PDZRN3: variants seen among roughly 807,000 people sequenced by gnomAD.
PDZRN3 encodes the protein E3 ubiquitin-protein ligase PDZRN3.
A neutral mutation model predicts 85.7 loss-of-function variants in PDZRN3; 38 were observed. The ratio of observed to expected loss-of-function variants is 0.44; its 90% CI spans 0.34 to 0.58. The LOEUF (loss-of-function observed/expected upper bound fraction) is 0.58. PDZRN3 is among the 20% of genes least tolerant of loss of function. The pLI, the probability that PDZRN3 is intolerant of heterozygous loss-of-function variation, is 0.01. For synonymous variants in PDZRN3, 759 were observed against 638.0 expected, an observed-to-expected ratio of 1.19 and a Z score of -2.86; for missense variants, 1,629 against 1,506.4, an observed-to-expected ratio of 1.08 and a Z score of -1.35.
At chr3:73,428,700 C>G (rs1702368676) in intron 3 of PDZRN3, among the ~76,000 whole-genome samples, 1 of 152,192 alleles carries the variant, frequency 6.6e-6, no homozygotes. Flanking sequence ...GAGAGGTAAT[C>G]TCTGGTCCCA....
intron 3 of PDZRN3, among the ~76,000 whole-genome samples, chr3:73,593,115 G>T (rs997309326): frequency 6.0e-5 from 9 of 151,200 alleles, no homozygotes; most frequent in Non-Finnish European, 8.8e-5. Flanking sequence ...AACAGATAAG[G>T]TTACTGCTCT....
intron 3 of PDZRN3, among the ~76,000 whole-genome samples, chr3:73,470,911 T>C (rs1242048512): frequency 1.3e-5 from 2 of 152,170 alleles, no homozygotes; most frequent in Non-Finnish European, 2.9e-5. Flanking sequence ...ACATTCCAAA[T>C]TGACTTAGAC....
At chr3:73,560,889 C>T (rs560324173) in intron 3 of PDZRN3, among the ~76,000 whole-genome samples, 55 of 152,234 alleles carry the variant, frequency 3.6e-4, no homozygotes, top group African/African-American at 1.3e-3. Flanking sequence ...ACATGAAATG[C>T]GTTTGGCACA....
intron 3 of PDZRN3, chr3:73,433,764 C>A (rs908738293): frequency 7.6e-5 from 116 of 1,534,724 alleles, no homozygotes; most frequent in Middle Eastern, 3.3e-4. Flanking sequence ...GGAAAAGCAG[C>A]TCCCTTACAG....
At chr3:73,503,287 A>G (rs4677293) in intron 3 of PDZRN3, among the ~76,000 whole-genome samples, 143,319 of 152,232 alleles carry the variant, frequency 0.94, 68,057 homozygotes, top group Non-Finnish European at 1. Context: ...AAGCAAATGT[A>G]TAAGTGGTCC....
rs778037798 is a variant in PDZRN3 at position 73,388,079 on chromosome 3, A to G, written c.1417-10T>C. The G allele has an allele frequency of 1.8e-5, 22 of 1,216,012 alleles. No individual in the cohort carries two copies. The highest frequency in any genetic ancestry group is 1.4e-5 in the Non-Finnish European group (12 of 849,408). The allele number at this position is 1,216,012 out of a possible 1,614,324, so 75.3% of individuals were successfully genotyped here. On this transcript the variant is annotated splice_polypyrimidine_tract_variant and intron_variant, in intron 7 of 9. Transcript: ENST00000263666. ...CCTCTATCCCATTAATCTTTTAAAA[A>G]AAAAGGGGGGGTGGGGAGAGTGGGG...
rs140037400 is a variant in PDZRN3 at position 73,402,941 on chromosome 3, C to CTTTTTTTTTTTTTTTTTTTT, written c.1166+1187_1166+1206dup. On this transcript the variant is annotated intron_variant, in intron 4 of 9. Coordinates refer to ENST00000263666, the MANE Select transcript of PDZRN3 (RefSeq NM_015009.3). ...GATGTGCAAAGTCACACATGAAAAG[C>CTTTTTTTTTTTTTTTTTTTT]TTTTTTTTTTTTTTTTTTTTGAGAC... Among the ~76,000 whole-genome samples the CTTTTTTTTTTTTTTTTTTTT allele has an allele frequency of 7.8e-5, 9 of 115,650 alleles. 1 individual carries two copies. The highest frequency in any genetic ancestry group is 2.6e-4 in the African/African-American group (7 of 26,750). 75.9% of individuals were successfully genotyped at this position (115,650 alleles called of 152,430 possible).
intron 3 of PDZRN3, among the ~76,000 whole-genome samples, chr3:73,467,654 G>A (rs1443835304): frequency 1.3e-5 from 2 of 152,238 alleles, no homozygotes; most frequent in African/African-American, 4.8e-5. Context: ...GCTAATCTCA[G>A]TGGGAGATAA....
chr3:73,549,588 G>C (rs1452342754), intron 3 of PDZRN3, among the ~76,000 whole-genome samples: 1 of 152,162 alleles, frequency 6.6e-6, no homozygotes, highest in Non-Finnish European at 1.5e-5. Context: ...ATTTCATAAA[G>C]GGTTTTTCAC....
intron 3 of PDZRN3, among the ~76,000 whole-genome samples, chr3:73,525,396 G>A (rs1034461692): frequency 1.2e-4 from 18 of 152,290 alleles, no homozygotes; most frequent in African/African-American, 4.3e-4. Flanking sequence ...AATATCTGGA[G>A]GCAGAACTTC....
In PDZRN3 at chr3:73,624,112, G is replaced by C. The variant is rs576789805; in HGVS notation, c.714C>G (p.Pro238=). The change falls in exon 1 of 10, where the codon CCC becomes CCG. Residue 238 remains proline (P), a synonymous_variant. Coordinates refer to ENST00000263666, the MANE Select transcript of PDZRN3 (RefSeq NM_015009.3). ...DSLSRCVAAP[P]GGKGEETKSL... Reference sequence around the variant, plus strand: ...GGCAGCAGGCGCCTACCTTGCCGCCGGGCGGCGCGGCCACGCAGCGGCTGA... The same window carrying C: ...GGCAGCAGGCGCCTACCTTGCCGCCCGGCGGCGCGGCCACGCAGCGGCTGA... 6.2e-5 allele frequency: 90 copies of C among 1,461,020 alleles called. No homozygotes were observed. In the African/African-American group the frequency reaches 8.3e-4, roughly 13 times the overall value. The allele number at this position is 1,461,020 out of a possible 1,614,324, so 90.5% of individuals were successfully genotyped here. A position where few individuals can be genotyped will look rare whatever the true frequency, so the allele number is the denominator to read the frequency against.
chr3:73,424,190 T>C (rs1702259797), intron 3 of PDZRN3, among the ~76,000 whole-genome samples: 1 of 151,804 alleles, frequency 6.6e-6, no homozygotes, highest in Admixed American at 6.6e-5. Flanking sequence ...AAAAGGGATA[T>C]ATTTGACTTT....
intron 3 of PDZRN3, among the ~76,000 whole-genome samples, chr3:73,547,510 T>C (rs1272199483): frequency 6.6e-6 from 1 of 152,212 alleles, no homozygotes; most frequent in Non-Finnish European, 1.5e-5. Flanking sequence ...AGCGGGTAGA[T>C]GAGCGGCACT....
intron 3 of PDZRN3, among the ~76,000 whole-genome samples, chr3:73,498,554 G>C (rs1319195153): frequency 8.6e-5 from 13 of 151,924 alleles, no homozygotes; most frequent in Admixed American, 8.5e-4. Context: ...GCAGGAGAAA[G>C]GGGGAGATGC....
At chr3:73,412,065 C>T (rs1701984345) in intron 3 of PDZRN3, among the ~76,000 whole-genome samples, 1 of 152,218 alleles carries the variant, frequency 6.6e-6, no homozygotes, top group South Asian at 2.1e-4. Flanking sequence ...TTGGGAGAGG[C>T]ATGCTTTAAG....
chr3:73,445,812 C>T (rs1389106757), intron 3 of PDZRN3, among the ~76,000 whole-genome samples: 1 of 152,142 alleles, frequency 6.6e-6, no homozygotes, highest in Non-Finnish European at 1.5e-5. Context: ...GAAAGGAAAA[C>T]ACTAGATCAC....
intron 3 of PDZRN3, among the ~76,000 whole-genome samples, chr3:73,539,012 C>A (rs1704853614): frequency 2.0e-5 from 3 of 152,116 alleles, no homozygotes; most frequent in African/African-American, 7.2e-5. Context: ...AATTAGTCTC[C>A]TAGGCTTTGC....
At chr3:73,426,538 C>G (rs1372331927) in intron 3 of PDZRN3, among the ~76,000 whole-genome samples, 1 of 151,924 alleles carries the variant, frequency 6.6e-6, no homozygotes, top group Non-Finnish European at 1.5e-5. Context: ...TGGTATTAAC[C>G]AACAGATGGC....
In PDZRN3 at chr3:73,461,740, A is replaced by T. The variant is rs557718197; in HGVS notation, c.919-57345T>A. Among the ~76,000 whole-genome samples, 3 of 152,312 alleles carry T rather than the reference A, an allele frequency of 2.0e-5. No individual in the cohort carries two copies. In the East Asian group the frequency reaches 5.8e-4, roughly 29 times the overall value. ...TATCACAGACATGTCATGTGTACAT[A>T]AAAAAAGTATGTGTTGTGGTAACTG... is the stretch of plus-strand genomic sequence containing the variant. On this transcript the variant is annotated intron_variant, in intron 3 of 9. Coordinates refer to ENST00000263666, the MANE Select transcript of PDZRN3 (RefSeq NM_015009.3).
Sources: allele counts gnomAD v4.1 joint callset (sites outside exome capture counted in the v4.1 genomes callset), GRCh38; gene constraint gnomAD v4.1.1; transcripts MANE v1.5; gene names NCBI Gene and HGNC (gene_info 2026-07-23, HGNC 2026-07-21).